Variants in ZIC3 observed in about 807,000 individuals in gnomAD.
ZIC3 encodes the protein Zic family zinc finger 3.
ZIC3 carries 6 observed loss-of-function variants against 18.3 expected under a neutral mutation model. The ratio of observed to expected loss-of-function variants is 0.33; its 90% CI spans 0.18 to 0.65. The LOEUF is 0.65. Ranked by LOEUF, ZIC3 falls within the 30% of genes least tolerant of loss-of-function variation. The pLI is 0.75. For missense variants in ZIC3, 260 were observed against 410.0 expected, an observed-to-expected ratio of 0.63 and a Z score of 3.16; for synonymous variants, 175 against 177.0, an observed-to-expected ratio of 0.99 and a Z score of 0.09.
chrX:137,566,448 T>C lies in ZIC3; in HGVS notation c.-244T>C. 2.6e-6 allele frequency: 1 copy of C among 387,421 alleles called. No homozygotes were observed. Among genetic ancestry groups the C allele is most frequent in the Non-Finnish European group, 4.5e-6 (1 of 223,077 alleles). The allele number at this position is 387,421 out of a possible 1,213,427, so 31.9% of individuals were successfully genotyped here. On this transcript the variant is annotated 5_prime_UTR_variant, in exon 1 of 3. Coordinates refer to ENST00000287538, the MANE Select transcript of ZIC3 (RefSeq NM_003413.4). ...AGTCCGAGTCTTTTCTCCTCCCTTC[T>C]CCTCCCTCCTCCTCCCCCCGCCAAC...
Position 137,571,476 on chromosome X carries a change from A to G in ZIC3, c.*1406A>G, listed in dbSNP as rs1931435817. 1 of 112,544 alleles carries G rather than the reference A, an allele frequency of 8.9e-6. No individual in the cohort carries two copies. The highest frequency in any genetic ancestry group is 1.9e-5 in the Non-Finnish European group (1 of 53,247). The allele number at this position is 112,544 out of a possible 1,213,427, so 9.3% of individuals were successfully genotyped here. A position where few individuals can be genotyped will look rare whatever the true frequency, so the allele number is the denominator to read the frequency against. The stretch of plus-strand genomic sequence containing the variant: ...GGTTAAAGTGCTTCTTAAAAGAACC[A>G]TAGTCCATTTACAATTTTGGAAGGC... On this transcript the variant is annotated 3_prime_UTR_variant, in exon 3 of 3. Transcript: ENST00000287538.
rs1931353406 is a variant in ZIC3, at chrX:137,566,923, G to A, written c.232G>A (p.Gly78Ser). 1 of 1,166,080 alleles carries A rather than the reference G, an allele frequency of 8.6e-7. No homozygotes were observed. Among genetic ancestry groups the A allele is most frequent in the South Asian group, 1.9e-5 (1 of 52,778 alleles). The change falls in exon 1 of 3, where the codon GGT becomes AGT. Residue 78 changes from glycine (G) to serine (S), a missense_variant. Around this residue, in one of 4 missense-constraint regions of ZIC3, gnomAD observed 183 missense variants for 223.8 expected, o/e 0.82. Transcript: ENST00000287538. Reference protein sequence around the residue: ...SGQSSAFTPQGSGYANALGHH... With the variant: ...SGQSSAFTPQSSGYANALGHH... ...CCAGAGCTCGGCTTTCACGCCGCAG[G>A]GTTCGGGCTACGCCAACGCCCTGGG...
chrX:137,566,459 C>G lies in ZIC3; in HGVS notation c.-233C>G. On this transcript the variant is annotated 5_prime_UTR_variant, in exon 1 of 3. Coordinates refer to ENST00000287538, the MANE Select transcript of ZIC3 (RefSeq NM_003413.4). ...TTTCTCCTCCCTTCTCCTCCCTCCT[C>G]CTCCCCCCGCCAACACCCCCTCCCT... is the stretch of plus-strand genomic sequence containing the variant. The G allele has an allele frequency of 3.8e-6, 1 of 266,525 alleles. No individual in the cohort carries two copies. The highest frequency in any genetic ancestry group is 8.3e-5 in the East Asian group (1 of 12,049). The allele number at this position is 266,525 out of a possible 1,213,427, so 22.0% of individuals were successfully genotyped here.
In ZIC3 at chrX:137,567,403, G is replaced by T; in HGVS notation, c.712G>T (p.Ala238Ser). 1 of 1,211,482 alleles carries T rather than the reference G, an allele frequency of 8.3e-7. No homozygotes were observed. Among genetic ancestry groups the T allele is most frequent in the African/African-American group, 1.7e-5 (1 of 57,814 alleles). The change falls in exon 1 of 3, where the codon GCC becomes TCC. Residue 238 changes from alanine (A) to serine (S), a missense_variant. This residue lies in a region of ZIC3 where 183 missense variants were observed against 223.8 expected (regional missense o/e 0.82). Transcript: ENST00000287538. ...VNVAAHHGPGAFFRYMRQPIK... is the reference protein window; with the variant it reads ...VNVAAHHGPGSFFRYMRQPIK... ...CGTGGCGGCCCACCACGGGCCCGGC[G>T]CCTTCTTCCGTTATATGCGGCAGCC...
downstream of ZIC3, among the ~76,000 whole-genome samples, chrX:137,572,251 AACAG>A (rs766808447): frequency 7.1e-5 from 8 of 112,691 alleles, no homozygotes; most frequent in Admixed American, 2.8e-4. Flanking sequence ...GATCTTTGTC[AACAG>A]ACAATTAGTT....
At chrX:137,573,155 AAAAAACC>A (rs1439111994), downstream of ZIC3, among the ~76,000 whole-genome samples, 4 of 66,399 alleles carry the variant, frequency 6.0e-5, no homozygotes, top group African/African-American at 1.2e-4. Context: ...AAAAAAAAAA[AAAAAACC>A]AAACAAACCA....
At chrX:137,568,686 G>GGCC in intron 1 of ZIC3, 3 of 90,106 alleles carry the variant, frequency 3.3e-5, no homozygotes, top group Non-Finnish European at 6.1e-5. Context: ...GGCCGGCCCC[G>GGCC]CCCCACCCCC....
At chrX:137,575,898 A>G (rs1471760817), downstream of ZIC3, among the ~76,000 whole-genome samples, 1 of 112,329 alleles carries the variant, frequency 8.9e-6, no homozygotes, top group Non-Finnish European at 1.9e-5. Context: ...TATGCATTTA[A>G]GTTGTCGTGC....
At chrX:137,574,575 C>G (rs913209138), downstream of ZIC3, among the ~76,000 whole-genome samples, 17 of 113,151 alleles carry the variant, frequency 1.5e-4, no homozygotes, top group South Asian at 3.5e-4. Flanking sequence ...CACCCCCACT[C>G]CCGCGCCCTG....
intron 1 of ZIC3, 114 bp downstream of exon 1, chrX:137,567,865 C>A: frequency 2.6e-6 from 3 of 1,153,712 alleles, no homozygotes; most frequent in Non-Finnish European, 3.5e-6. Flanking sequence ...CGCCCCGCAA[C>A]GGCCGCTCGA....
At chrX:137,576,069 T>TC (rs1556031429), downstream of ZIC3, among the ~76,000 whole-genome samples, 2 of 109,520 alleles carry the variant, frequency 1.8e-5, no homozygotes, top group African/African-American at 6.7e-5. Context: ...TTTTTTTTTT[T>TC]CTGTGGGTGA....
intron 2 of ZIC3, 122 bp downstream of exon 2, chrX:137,569,187 C>A: frequency 1.6e-6 from 1 of 631,347 alleles, no homozygotes; most frequent in Non-Finnish European, 2.2e-6. Flanking sequence ...TTTGCTCCAG[C>A]AGTGACACCT....
downstream of ZIC3, chrX:137,576,974 G>C (rs979100420): frequency 4.9e-6 from 2 of 411,467 alleles, no homozygotes; most frequent in Admixed American, 4.4e-5. Flanking sequence ...TTGAATTTGA[G>C]GTGTTAAAAA....
chrX:137,567,383 C>G lies in ZIC3; in HGVS notation c.692C>G (p.Ala231Gly), dbSNP rs746070565. 1.7e-6 allele frequency: 2 copies of G among 1,211,380 alleles called. No individual in the cohort carries two copies. The highest frequency in any genetic ancestry group is 2.2e-6 in the Non-Finnish European group (2 of 895,557). Residue 231 changes from alanine to glycine, a missense_variant, in exon 1 of 3, where the codon GCG (alanine) becomes GGG (glycine). Ala to Gly is a moderately conservative substitution (Grantham distance 60, BLOSUM62 0). Around this residue, in one of 4 missense-constraint regions of ZIC3, gnomAD observed 183 missense variants for 223.8 expected, o/e 0.82. Transcript: ENST00000287538. Reference sequence around the variant, plus strand: ...AACATGAACATGGGAGTGAACGTGGCGGCCCACCACGGGCCCGGCGCCTTC... The same window carrying G: ...AACATGAACATGGGAGTGAACGTGGGGGCCCACCACGGGCCCGGCGCCTTC... Reference protein sequence around the residue: ...PMNMNMGVNVAAHHGPGAFFR... With the variant: ...PMNMNMGVNVGAHHGPGAFFR...
downstream of ZIC3, among the ~76,000 whole-genome samples, chrX:137,575,787 A>G (rs1602746627): frequency 9.0e-6 from 1 of 111,619 alleles, no homozygotes; most frequent in East Asian, 2.8e-4. Context: ...CTGGGGGGAA[A>G]TCTGCAAAAC....
At chrX:137,576,254 C>T (rs1931513548), downstream of ZIC3, among the ~76,000 whole-genome samples, 1 of 110,757 alleles carries the variant, frequency 9.0e-6, no homozygotes, top group Non-Finnish European at 1.9e-5. Flanking sequence ...CTCTTGGTAC[C>T]AAAAGTGTGG....
rs1321418742 is a variant in ZIC3 at position 137,566,641 on chromosome X, G to T, written c.-51G>T. 2.5e-6 allele frequency: 3 copies of T among 1,182,891 alleles called. No individual in the cohort carries two copies. The highest frequency in any genetic ancestry group is 6.2e-5 in the East Asian group (2 of 32,368). ...CACTTCGGAGATCTCCTCCTTCGCCGGTACCCTCTCTCACTTCGGCCGGAT... is the reference window on the plus strand; with the variant it reads ...CACTTCGGAGATCTCCTCCTTCGCCTGTACCCTCTCTCACTTCGGCCGGAT... On this transcript the variant is annotated 5_prime_UTR_variant, in exon 1 of 3. Transcript: ENST00000287538.
At position 137,566,767 on chromosome X, in the gene ZIC3, G is replaced by C. The variant is rs1165286755; in HGVS notation, c.76G>C (p.Glu26Gln). ...VGSFGAPRHH[E>Q]MPNREPAGMG... ...CAGCTTCGGCGCGCCGCGCCACCAC[G>C]AGATGCCCAACCGTGAGCCGGCAGG... The change falls in exon 1 of 3, where the codon GAG becomes CAG. Residue 26 changes from glutamate to glutamine, a missense_variant. Coordinates refer to ENST00000287538, the MANE Select transcript of ZIC3 (RefSeq NM_003413.4). 4 of 1,189,420 alleles carry C rather than the reference G, an allele frequency of 3.4e-6. No individual in the cohort carries two copies. The highest frequency in any genetic ancestry group is 1.8e-5 in the South Asian group (1 of 54,400).
At chrX:137,568,728 G>A (rs1336757109) in intron 1 of ZIC3, 174 bp from the exon 2 acceptor site, 1 of 202,510 alleles carries the variant, frequency 4.9e-6, no homozygotes, top group Non-Finnish European at 8.6e-6. Context: ...CCCAAACCCA[G>A]CGGGCTCAAC....
Sources: allele counts gnomAD v4.1 joint callset (sites outside exome capture counted in the v4.1 genomes callset), GRCh38; gene constraint gnomAD v4.1.1; regional missense constraint gnomAD v4.1.1; transcripts MANE v1.5; gene names NCBI Gene and HGNC (gene_info 2026-07-23, HGNC 2026-07-21).